LARP1: variants seen among roughly 807,000 people sequenced by gnomAD.
LARP1 encodes la-related protein 1.
Under a neutral mutation model 122.7 loss-of-function variants are expected in LARP1, and 36 were observed. The ratio of observed to expected loss-of-function variants is 0.29; its 90% CI spans 0.22 to 0.39. LARP1 has a LOEUF of 0.39. Ranked by LOEUF, LARP1 falls within the 10% of genes least tolerant of loss-of-function variation. The pLI, the probability that LARP1 is intolerant of heterozygous loss-of-function variation, is 1.00. For missense variants in LARP1, 1,040 were observed against 1,403.6 expected (o/e 0.74, Z 4.14); for synonymous variants, 539 against 528.7 (o/e 1.02, Z -0.27).
chr5:154,808,000 T>C (rs1475319188), intron 15 of LARP1, among the ~76,000 whole-genome samples: 5 of 152,252 alleles, frequency 3.3e-5, no homozygotes, highest in East Asian at 1.9e-4. Context: ...TTTAATGATA[T>C]TCATTTTCTC....
intron 8 of LARP1, among the ~76,000 whole-genome samples, chr5:154,796,032 TTATA>T (rs1212883107): frequency 9.4e-6 from 1 of 106,150 alleles, no homozygotes; most frequent in African/African-American, 3.8e-5. Context: ...ATATATATTT[TTATA>T]TATATTATAT....
chr5:154,688,755 G>T (rs935892606), intron 1 of LARP1, among the ~76,000 whole-genome samples: 1 of 151,988 alleles, frequency 6.6e-6, no homozygotes, highest in African/African-American at 2.4e-5. Context: ...GAGTCTGGAA[G>T]GTTGAGGCTG....
At chr5:154,745,061 G>C (rs907284271) in intron 1 of LARP1, among the ~76,000 whole-genome samples, 2 of 151,890 alleles carry the variant, frequency 1.3e-5, no homozygotes, top group Non-Finnish European at 2.9e-5. Flanking sequence ...CGCATAGCTG[G>C]GACTACAGGT....
intron 1 of LARP1, among the ~76,000 whole-genome samples, chr5:154,686,682 C>T (rs909851541): frequency 6.6e-6 from 1 of 152,188 alleles, no homozygotes; most frequent in African/African-American, 2.4e-5. Context: ...ACACCCAGCT[C>T]TCTTCACTCA....
intron 1 of LARP1, among the ~76,000 whole-genome samples, chr5:154,775,236 G>A (rs982763868): frequency 2.0e-5 from 3 of 152,152 alleles, no homozygotes; most frequent in African/African-American, 7.2e-5. Context: ...GGAGCTTGAG[G>A]CTGCGGTGAG....
At chr5:154,809,423 A>G (rs556015150) in intron 16 of LARP1, among the ~76,000 whole-genome samples, 31 of 143,074 alleles carry the variant, frequency 2.2e-4, no homozygotes, top group Non-Finnish European at 3.3e-4. Context: ...GGAAAAGCTG[A>G]TGAAAACATC....
chr5:154,768,097 T>C (rs1044817752), intron 1 of LARP1, among the ~76,000 whole-genome samples: 2 of 152,078 alleles, frequency 1.3e-5, no homozygotes, highest in Admixed American at 1.3e-4. Context: ...TGATGGCAGG[T>C]GAGAGATGAA....
intron 1 of LARP1, among the ~76,000 whole-genome samples, chr5:154,757,004 C>T (rs1274774176): frequency 6.7e-6 from 1 of 148,642 alleles, no homozygotes; most frequent in Non-Finnish European, 1.5e-5. Context: ...CAGTTGGGCG[C>T]CATGCGCCGC....
At chr5:154,691,346 C>T (rs1159896533) in intron 1 of LARP1, among the ~76,000 whole-genome samples, 2 of 152,126 alleles carry the variant, frequency 1.3e-5, no homozygotes, top group African/African-American at 4.8e-5. Flanking sequence ...CACTATCTGA[C>T]TGTGTGACCT....
rs796931387 is a variant in LARP1, at chr5:154,781,603, G to GA, written c.437-8712dup. On this transcript the variant is annotated intron_variant, in intron 1 of 18. Transcript: ENST00000518297. Reference sequence around the variant, plus strand: ...AGTGAGACTCCGTCTCAAAAAAAAGGAAAAAAAAAACGGAAAAATAAATGA... The same window carrying GA: ...AGTGAGACTCCGTCTCAAAAAAAAGGAAAAAAAAAAACGGAAAAATAAATGA... Among the ~76,000 whole-genome samples, 581 of 146,138 alleles carry GA rather than the reference G, an allele frequency of 4.0e-3. 3 individuals carry two copies. The highest frequency in any genetic ancestry group is 0.013 in the African/African-American group (503 of 39,998).
At chr5:154,709,774 A>G (rs1386350587), upstream of LARP1, among the ~76,000 whole-genome samples, 1 of 152,058 alleles carries the variant, frequency 6.6e-6, no homozygotes, top group Non-Finnish European at 1.5e-5. Context: ...TGCTGACCTA[A>G]AGCCTGCCAC....
intron 1 of LARP1, among the ~76,000 whole-genome samples, chr5:154,719,813 A>C (rs1446163727): frequency 2.0e-5 from 3 of 151,622 alleles, no homozygotes; most frequent in Non-Finnish European, 4.4e-5. Context: ...AGTGAGCCGA[A>C]ATTGTGCCAC....
At chr5:154,705,386 T>A (rs1057352134) in intron 1 of LARP1, among the ~76,000 whole-genome samples, 3 of 152,192 alleles carry the variant, frequency 2.0e-5, no homozygotes, top group Middle Eastern at 3.4e-3. Context: ...TTATTTATTT[T>A]TTTGAGATGG....
chr5:154,793,740 A>T lies in LARP1; in HGVS notation c.868+17A>T, dbSNP rs1383259400. On this transcript the variant is annotated intron_variant, in intron 5 of 18. Coordinates refer to ENST00000518297, the MANE Select transcript of LARP1 (RefSeq NM_033551.3). The stretch of plus-strand genomic sequence containing the variant: ...AGATCAAAGGTATGCACTACCCACT[A>T]TGGAGGGCCTGGACTTGGGAGACAC... The T allele has an allele frequency of 1.2e-6, 2 of 1,614,108 alleles. No homozygotes were observed. The highest frequency in any genetic ancestry group is 2.7e-5 in the African/African-American group (2 of 75,032).
intron 5 of LARP1, 27 bp from the exon 6 acceptor site, chr5:154,793,773 C>T: frequency 6.2e-7 from 1 of 1,614,142 alleles, no homozygotes; most frequent in Admixed American, 1.7e-5. Context: ...CACCCTCAGG[C>T]CTGACCTGGT....
At chr5:154,685,435 A>G (rs1414118909) in intron 1 of LARP1, among the ~76,000 whole-genome samples, 3 of 151,964 alleles carry the variant, frequency 2.0e-5, no homozygotes, top group Admixed American at 6.6e-5. Context: ...CTCATATTCC[A>G]AGCTGGCTGG....
At chr5:154,752,142 C>T (rs1753535517), upstream of LARP1, among the ~76,000 whole-genome samples, 1 of 152,172 alleles carries the variant, frequency 6.6e-6, no homozygotes, top group Non-Finnish European at 1.5e-5. Flanking sequence ...GAAAAAACTA[C>T]TGGATTTAGG....
intron 8 of LARP1, among the ~76,000 whole-genome samples, chr5:154,798,400 G>A (rs1224053770): frequency 6.6e-6 from 1 of 152,108 alleles, no homozygotes; most frequent in East Asian, 1.9e-4. Flanking sequence ...AATATATCTG[G>A]GAGCTAACTG....
chr5:154,755,245 A>G (rs904879052), upstream of LARP1, among the ~76,000 whole-genome samples: 1 of 23,236 alleles, frequency 4.3e-5, no homozygotes, highest in Non-Finnish European at 7.9e-5. Flanking sequence ...CCCGTCGCCC[A>G]GGGCCCGGCC....
Sources: gnomAD v4.1 joint callset for allele counts (sites outside exome capture counted in the v4.1 genomes callset) on GRCh38, gnomAD v4.1.1 for gene constraint, MANE v1.5 for transcripts, NCBI Gene and HGNC (gene_info 2026-07-23, HGNC 2026-07-21) for gene names.